Variants in SH3RF3 observed in about 807,000 individuals in gnomAD.
SH3RF3 encodes the protein E3 ubiquitin-protein ligase SH3RF3.
In SH3RF3, 29 loss-of-function variants were observed where a neutral mutation model predicts 66.3. The observed-to-expected ratio is 0.44, with a 90% CI of 0.33 to 0.60. SH3RF3 has a LOEUF of 0.60. Among genes scored for constraint, SH3RF3 ranks in the 20% least tolerant of loss-of-function variants. The probability of loss-of-function intolerance (pLI) is 0.04; values close to 1 mark genes in which losing one functional copy is unlikely to be tolerated. For synonymous variants in SH3RF3, 583 were observed against 532.0 expected (o/e 1.10, Z -1.32); for missense variants, 1,194 against 1,190.9 (o/e 1.00, Z -0.04).
At chr2:109,373,912 G>A (rs945923819) in intron 3 of SH3RF3, among the ~76,000 whole-genome samples, 5 of 152,126 alleles carry the variant, frequency 3.3e-5, no homozygotes, top group East Asian at 1.9e-4. Flanking sequence ...TTGGGAGTCC[G>A]CAAGCAGGTG....
At chr2:109,132,018 A>G (rs1676709469) in intron 1 of SH3RF3, among the ~76,000 whole-genome samples, 2 of 152,348 alleles carry the variant, frequency 1.3e-5, no homozygotes, top group African/African-American at 2.4e-5. Context: ...GAGCAACCCT[A>G]TACAGTTGGT....
intron 4 of SH3RF3, among the ~76,000 whole-genome samples, chr2:109,419,190 T>C (rs982665287): frequency 6.6e-6 from 1 of 151,842 alleles, no homozygotes; most frequent in Non-Finnish European, 1.5e-5. Context: ...AAAGATTTTG[T>C]GTGGGTTTTT....
intron 1 of SH3RF3, among the ~76,000 whole-genome samples, chr2:109,249,483 TTC>T (rs1340202976): frequency 1.5e-4 from 3 of 20,294 alleles, no homozygotes; most frequent in Admixed American, 6.9e-4. Context: ...CTTTCTTTCT[TTC>T]TTTCTTTCTT....
intron 1 of SH3RF3, among the ~76,000 whole-genome samples, chr2:109,200,681 G>A (rs1174393028): frequency 6.6e-6 from 1 of 152,050 alleles, no homozygotes; most frequent in East Asian, 1.9e-4. Flanking sequence ...CTTTTCTCCT[G>A]GTGTCCCTGC....
intron 1 of SH3RF3, among the ~76,000 whole-genome samples, chr2:109,277,567 AC>A (rs1680784642): frequency 6.6e-6 from 1 of 152,192 alleles, no homozygotes; most frequent in Non-Finnish European, 1.5e-5. Context: ...CCTGAGACTT[AC>A]GTGTACACTG....
In SH3RF3 at chr2:109,144,330, A is replaced by T. The variant is rs561755735; in HGVS notation, c.573+14217A>T. The stretch of plus-strand genomic sequence containing the variant: ...TTTGTCTGTTATACCTCAATAAAAC[A>T]GGGGAAATATAAATTTAACATGATA... On this transcript the variant is annotated intron_variant, in intron 1 of 9. Coordinates refer to ENST00000309415, the MANE Select transcript of SH3RF3 (RefSeq NM_001099289.3). Among the ~76,000 whole-genome samples the T allele has an allele frequency of 6.6e-5, 10 of 151,380 alleles. No individual in the cohort carries two copies. The South Asian group carries it at 2.1e-3, about 31-fold the overall frequency.
At chr2:109,380,045 T>C (rs1479742777) in intron 3 of SH3RF3, among the ~76,000 whole-genome samples, 4 of 152,148 alleles carry the variant, frequency 2.6e-5, no homozygotes, top group Non-Finnish European at 5.9e-5. Flanking sequence ...GAGACAAGAC[T>C]ACATAAGAGG....
chr2:109,493,766 T>C (rs1297455758), intron 9 of SH3RF3, among the ~76,000 whole-genome samples: 1 of 151,524 alleles, frequency 6.6e-6, no homozygotes, highest in Non-Finnish European at 1.5e-5. Context: ...ACACCAAACA[T>C]GCACTGCACA....
At chr2:109,131,438 A>G (rs1254773906) in intron 1 of SH3RF3, among the ~76,000 whole-genome samples, 1 of 152,202 alleles carries the variant, frequency 6.6e-6, no homozygotes, top group African/African-American at 2.4e-5. Flanking sequence ...TAAGGTATTT[A>G]TAATTAAATA....
chr2:109,262,028 G>A (rs937262654), intron 1 of SH3RF3, among the ~76,000 whole-genome samples: 13 of 152,176 alleles, frequency 8.5e-5, no homozygotes, highest in African/African-American at 3.1e-4. Context: ...TAGAGCAGGA[G>A]ACAGGTCGGT....
intron 1 of SH3RF3, among the ~76,000 whole-genome samples, chr2:109,277,310 T>C (rs1165841774): frequency 5.3e-5 from 8 of 152,194 alleles, no homozygotes. Flanking sequence ...GGTTTGCAGA[T>C]GATGGTTTGA....
intron 1 of SH3RF3, among the ~76,000 whole-genome samples, chr2:109,213,721 T>A (rs752813658): frequency 4.6e-5 from 7 of 152,180 alleles, no homozygotes; most frequent in Non-Finnish European, 8.8e-5. Flanking sequence ...GCCTTTATCC[T>A]TTACCTTGAG....
At chr2:109,181,611 C>A (rs145308817) in intron 1 of SH3RF3, among the ~76,000 whole-genome samples, 1 of 152,290 alleles carries the variant, frequency 6.6e-6, no homozygotes, top group African/African-American at 2.4e-5. Context: ...TTTACCTTCC[C>A]CTCCAGCATA....
intron 9 of SH3RF3, among the ~76,000 whole-genome samples, chr2:109,495,477 CTTTTTTTTTT>C (rs569509984): frequency 1.1e-4 from 10 of 94,284 alleles, no homozygotes; most frequent in African/African-American, 1.8e-4. Flanking sequence ...TCTTTCATTC[CTTTTTTTTTT>C]TTTTTTTTTT....
intron 3 of SH3RF3, among the ~76,000 whole-genome samples, chr2:109,379,663 A>G (rs1683467777): frequency 6.6e-6 from 1 of 152,158 alleles, no homozygotes; most frequent in African/African-American, 2.4e-5. Context: ...CTCCTGCCGC[A>G]GCGACAGCCT....
chr2:109,213,361 T>C (rs563008047), intron 1 of SH3RF3, among the ~76,000 whole-genome samples: 20 of 152,192 alleles, frequency 1.3e-4, no homozygotes, highest in Non-Finnish European at 2.6e-4. Context: ...CAGTGATAAC[T>C]GCTGGGTGAC....
intron 1 of SH3RF3, among the ~76,000 whole-genome samples, chr2:109,344,933 G>A (rs895354808): frequency 6.6e-6 from 1 of 152,180 alleles, no homozygotes; most frequent in Non-Finnish European, 1.5e-5. Context: ...GGCACAGGTT[G>A]ATTTGAGAGC....
chr2:109,146,881 T>TTCCC (rs1558925561), intron 1 of SH3RF3, among the ~76,000 whole-genome samples: 1 of 7,812 alleles, frequency 1.3e-4, no homozygotes. Context: ...TCTTCTTTTT[T>TTCCC]CCCTCCCCCC....
At chr2:109,401,650 CA>C (rs1466287534) in intron 4 of SH3RF3, among the ~76,000 whole-genome samples, 1 of 152,196 alleles carries the variant, frequency 6.6e-6, no homozygotes, top group East Asian at 1.9e-4. Context: ...CCAAGAGGGC[CA>C]GGGGCATCTT....
Sources: allele counts gnomAD v4.1 joint callset (sites outside exome capture counted in the v4.1 genomes callset), GRCh38; gene constraint gnomAD v4.1.1; transcripts MANE v1.5; gene names NCBI Gene and HGNC (gene_info 2026-07-23, HGNC 2026-07-21).